Variants in NRP1 observed in about 807,000 individuals in gnomAD.
NRP1 encodes the protein neuropilin-1.
A neutral mutation model predicts 106.7 loss-of-function variants in NRP1; 35 were observed. That is an observed-to-expected ratio of 0.33 (90% confidence interval 0.25 to 0.43). The LOEUF (loss-of-function observed/expected upper bound fraction) is 0.43, where lower values mean the gene tolerates loss of function less well. NRP1 is among the 20% of genes least tolerant of loss of function. NRP1 has a pLI of 1.00. For synonymous variants in NRP1, 437 were observed against 417.9 expected (o/e 1.05, Z -0.56); for missense variants, 1,024 against 1,170.4 (o/e 0.87, Z 1.83).
At chr10:33,287,779 T>TG (rs1844684601) in intron 2 of NRP1, among the ~76,000 whole-genome samples, 1 of 152,120 alleles carries the variant, frequency 6.6e-6, no homozygotes, top group African/African-American at 2.4e-5. Flanking sequence ...CATCCTTGGG[T>TG]CCGGACCTTG....
intron 12 of NRP1, among the ~76,000 whole-genome samples, chr10:33,196,181 G>A (rs760377830): frequency 1.9e-4 from 29 of 151,690 alleles, no homozygotes; most frequent in Non-Finnish European, 3.2e-4. Flanking sequence ...TTTTTTTAAC[G>A]ATCCCTACCC....
rs1350476471 is a variant in NRP1 at position 33,186,310 on chromosome 10, C to A, written c.2241G>T (p.Glu747Asp). ...RVKLRYQKPE[E>D]YDQLVWMAIG... ...TGGCCATCCAGACCAGCTGATCGTA[C>A]TCCTCTGGCTTCTGGTAGCGCAGTT... Residue 747 changes from glutamate to aspartate, a missense_variant, in exon 14 of 17, where the codon GAG becomes GAT. Around this residue, in one of 5 missense-constraint regions of NRP1, gnomAD observed 562 missense variants for 620.3 expected, o/e 0.91. Coordinates refer to ENST00000374867, the MANE Select transcript of NRP1 (RefSeq NM_003873.7). 2.5e-6 allele frequency: 4 copies of A among 1,614,148 alleles called. No homozygotes were observed. In the South Asian group the frequency reaches 4.4e-5, roughly 18 times the overall value.
rs1842048908 is a variant in NRP1 at position 33,254,182 on chromosome 10, A to C, written c.827T>G (p.Met276Arg). The change falls in exon 6 of 17, where the codon ATG becomes AGG. Residue 276 changes from methionine to arginine, a missense_variant. Met to Arg is a moderately conservative substitution (Grantham distance 91). This residue lies in a region of NRP1 where 6 missense variants were observed against 26.6 expected (regional missense o/e 0.23). Coordinates refer to ENST00000374867, the MANE Select transcript of NRP1 (RefSeq NM_003873.7). ...TCCTGATTCCATGCCCAGAGCTTCCATACATTTGAAATCTGAAGGGAAAAA... is the reference window on the plus strand; with the variant it reads ...TCCTGATTCCATGCCCAGAGCTTCCCTACATTTGAAATCTGAAGGGAAAAA... ...QSSVSEDFKCMEALGMESGEI... is the reference protein window; with the variant it reads ...QSSVSEDFKCREALGMESGEI... 6.2e-7 allele frequency: 1 copy of C among 1,610,176 alleles called. No homozygotes were observed. Among genetic ancestry groups the C allele is most frequent in the South Asian group, 1.1e-5 (1 of 90,218 alleles).
At chr10:33,276,799 T>TAG (rs1228367482) in intron 2 of NRP1, among the ~76,000 whole-genome samples, 2 of 152,162 alleles carry the variant, frequency 1.3e-5, no homozygotes, top group African/African-American at 4.8e-5. Context: ...TCTGTGTGCT[T>TAG]AGAGCATCTT....
chr10:33,184,419 C>T (rs1398954021), intron 15 of NRP1, among the ~76,000 whole-genome samples: 1 of 152,212 alleles, frequency 6.6e-6, no homozygotes, highest in East Asian at 1.9e-4. Flanking sequence ...ACTTGTTGAA[C>T]TGAATTTAAT....
chr10:33,221,971 G>C (rs978200818), intron 7 of NRP1, 108 bp from the exon 8 acceptor site: 1 of 1,211,266 alleles, frequency 8.3e-7, no homozygotes, highest in Non-Finnish European at 1.2e-6. Flanking sequence ...CAGTGTTGTC[G>C]ATCAAGGATG....
chr10:33,331,536 T>A (rs1848285657), intron 1 of NRP1, among the ~76,000 whole-genome samples: 1 of 152,174 alleles, frequency 6.6e-6, no homozygotes, highest in Non-Finnish European at 1.5e-5. Context: ...GGAGATCGGA[T>A]CAAAGCAACG....
intron 6 of NRP1, among the ~76,000 whole-genome samples, chr10:33,245,814 C>T (rs1841376169): frequency 6.6e-6 from 1 of 152,126 alleles, no homozygotes; most frequent in African/African-American, 2.4e-5. Context: ...CTTCTCTAGA[C>T]CATAACTATG....
At chr10:33,208,362 A>C (rs950239210) in intron 9 of NRP1, among the ~76,000 whole-genome samples, 1 of 152,090 alleles carries the variant, frequency 6.6e-6, no homozygotes, top group Non-Finnish European at 1.5e-5. Flanking sequence ...ATGAGTTGGC[A>C]CCTCTTTTGA....
At chr10:33,180,889 C>T (rs1835642890) in intron 16 of NRP1, among the ~76,000 whole-genome samples, 1 of 152,118 alleles carries the variant, frequency 6.6e-6, no homozygotes, top group East Asian at 1.9e-4. Flanking sequence ...ACGAATTTTG[C>T]CCAAAGTCTA....
chr10:33,249,365 T>G, intron 6 of NRP1: 1 of 455,480 alleles, frequency 2.2e-6, no homozygotes, highest in Non-Finnish European at 4.3e-6. Flanking sequence ...AAACTGAAAC[T>G]GCATTTCTCT....
At chr10:33,293,360 C>T (rs1845137756) in intron 2 of NRP1, among the ~76,000 whole-genome samples, 1 of 152,192 alleles carries the variant, frequency 6.6e-6, no homozygotes, top group Non-Finnish European at 1.5e-5. Context: ...TAGAATTTTA[C>T]AACCTGTTTG....
chr10:33,321,743 A>G (rs774286346), intron 2 of NRP1, among the ~76,000 whole-genome samples: 2 of 152,228 alleles, frequency 1.3e-5, no homozygotes, highest in Non-Finnish European at 2.9e-5. Flanking sequence ...AATCGTGACT[A>G]TATTGACTGG....
At chr10:33,231,995 A>G (rs922172387) in intron 6 of NRP1, among the ~76,000 whole-genome samples, 3 of 152,200 alleles carry the variant, frequency 2.0e-5, no homozygotes, top group African/African-American at 7.2e-5. Flanking sequence ...TCTAAAGAAT[A>G]TGAGCTCTGG....
chr10:33,280,527 A>C (rs1158713027), intron 2 of NRP1, among the ~76,000 whole-genome samples: 1 of 152,122 alleles, frequency 6.6e-6, no homozygotes, highest in Non-Finnish European at 1.5e-5. Context: ...ACTGTTCTTC[A>C]GGGAAAAAAA....
intron 16 of NRP1, among the ~76,000 whole-genome samples, chr10:33,180,583 TGG>T (rs1055537671): frequency 1.1e-4 from 16 of 152,226 alleles, no homozygotes; most frequent in African/African-American, 3.4e-4. Context: ...CAACCCATTC[TGG>T]ATCAACTGGG....
chr10:33,291,459 G>A (rs894069593), intron 2 of NRP1, among the ~76,000 whole-genome samples: 3 of 152,168 alleles, frequency 2.0e-5, no homozygotes, highest in African/African-American at 7.2e-5. Flanking sequence ...CCCATCATTT[G>A]CTGCTTCAGG....
At chr10:33,329,947 G>T (rs1431294358) in intron 2 of NRP1, among the ~76,000 whole-genome samples, 2 of 152,144 alleles carry the variant, frequency 1.3e-5, no homozygotes, top group Admixed American at 6.5e-5. Flanking sequence ...ATATAATTTC[G>T]ACTGTCTCTA....
chr10:33,308,531 C>T (rs1038183882), intron 2 of NRP1, among the ~76,000 whole-genome samples: 2 of 151,790 alleles, frequency 1.3e-5, no homozygotes, highest in East Asian at 1.9e-4. Context: ...CTGTCGCCCA[C>T]GCTGGAGTTT....
Sources: gnomAD v4.1 joint callset for allele counts (sites outside exome capture counted in the v4.1 genomes callset) on GRCh38, gnomAD v4.1.1 for gene constraint, gnomAD v4.1.1 regional missense constraint, MANE v1.5 for transcripts, NCBI Gene and HGNC (gene_info 2026-07-23, HGNC 2026-07-21) for gene names.